Variants in VPS13B observed in about 807,000 individuals in gnomAD.
VPS13B encodes the protein intermembrane lipid transfer protein VPS13B.
A neutral mutation model predicts 426.4 loss-of-function variants in VPS13B; 285 were observed. That is an observed-to-expected ratio of 0.67 (90% CI 0.61 to 0.74). The LOEUF is 0.74. VPS13B is among the 30% of genes least tolerant of loss of function. VPS13B has a pLI of 0.00. For synonymous variants in VPS13B, 1,676 were observed against 1,676.4 expected, an observed-to-expected ratio of 1.00 and a Z score of 0.01; for missense variants, 4,537 against 4,782.6, an observed-to-expected ratio of 0.95 and a Z score of 1.51.
chr8:99,490,936 C>G (rs916268604), intron 25 of VPS13B, among the ~76,000 whole-genome samples: 1 of 151,986 alleles, frequency 6.6e-6, no homozygotes, highest in Non-Finnish European at 1.5e-5. Context: ...TATTTCTTGT[C>G]TTCTGCTACA....
At chr8:99,049,524 A>T (rs1186567532) in intron 3 of VPS13B, among the ~76,000 whole-genome samples, 1 of 151,786 alleles carries the variant, frequency 6.6e-6, no homozygotes, top group African/African-American at 2.4e-5. Context: ...TCTGCTGAGA[A>T]ATCAGCTGTT....
At chr8:99,874,440 G>A (rs529364702) in intron 61 of VPS13B, among the ~76,000 whole-genome samples, 3 of 152,076 alleles carry the variant, frequency 2.0e-5, no homozygotes, top group African/African-American at 7.2e-5. Flanking sequence ...GCCATCGCAC[G>A]GACTTTCTCC....
chr8:99,048,555 C>T (rs918769615), intron 3 of VPS13B, among the ~76,000 whole-genome samples: 1 of 152,080 alleles, frequency 6.6e-6, no homozygotes, highest in Non-Finnish European at 1.5e-5. Context: ...TTGCTCATGC[C>T]TGTAATCCCA....
intron 19 of VPS13B, among the ~76,000 whole-genome samples, chr8:99,381,616 C>T (rs995370174): frequency 1.1e-4 from 16 of 152,006 alleles, no homozygotes; most frequent in African/African-American, 3.6e-4. Context: ...TGTGAGATGG[C>T]ATCTCATTGT....
chr8:99,134,998 T>G lies in VPS13B; in HGVS notation c.1303-17T>G, dbSNP rs1389086311. On this transcript the variant is annotated splice_polypyrimidine_tract_variant and intron_variant, in intron 9 of 61. Transcript: ENST00000357162. ...TAAATTCAATTCTTAGTTCTAATGT[T>G]TCCTTTCGTCTTATAGGCCCTTATG... The G allele has an allele frequency of 1.2e-6, 2 of 1,613,310 alleles. No homozygotes were observed. The highest frequency in any genetic ancestry group is 1.7e-5 in the Admixed American group (1 of 59,986).
At chr8:99,846,379 G>A (rs1008828720) in intron 54 of VPS13B, among the ~76,000 whole-genome samples, 7 of 152,210 alleles carry the variant, frequency 4.6e-5, no homozygotes, top group Admixed American at 2.0e-4. Flanking sequence ...GCCTGATGCA[G>A]TGACTAATTC....
At chr8:99,181,458 T>A (rs1812941256) in intron 16 of VPS13B, among the ~76,000 whole-genome samples, 1 of 152,200 alleles carries the variant, frequency 6.6e-6, no homozygotes, top group Admixed American at 6.5e-5. Flanking sequence ...TGCATTTAAA[T>A]ATAGGCTCTG....
chr8:99,645,874 T>C (rs1432539054), intron 34 of VPS13B, among the ~76,000 whole-genome samples: 3 of 152,236 alleles, frequency 2.0e-5, no homozygotes, highest in Non-Finnish European at 4.4e-5. Flanking sequence ...TATGTAGTAC[T>C]TTCTTTCCTG....
intron 21 of VPS13B, among the ~76,000 whole-genome samples, chr8:99,404,343 T>C (rs1362238945): frequency 1.3e-5 from 2 of 152,232 alleles, no homozygotes; most frequent in African/African-American, 4.8e-5. Flanking sequence ...CCCCTTTTAG[T>C]AGTCAGAACA....
chr8:99,715,241 GC>G (rs1203448357), intron 36 of VPS13B, among the ~76,000 whole-genome samples: 2 of 152,156 alleles, frequency 1.3e-5, no homozygotes, highest in Non-Finnish European at 2.9e-5. Flanking sequence ...TGTTGAGGCA[GC>G]TGAAAAATAG....
chr8:99,305,623 C>G (rs1820595992), intron 19 of VPS13B, among the ~76,000 whole-genome samples: 1 of 151,916 alleles, frequency 6.6e-6, no homozygotes, highest in African/African-American at 2.4e-5. Context: ...AAATACAGGG[C>G]CTATTTATCT....
At chr8:99,457,364 T>A (rs560183437) in intron 23 of VPS13B, among the ~76,000 whole-genome samples, 1 of 152,302 alleles carries the variant, frequency 6.6e-6, no homozygotes, top group African/African-American at 2.4e-5. Flanking sequence ...AGTTATGTAT[T>A]CATCTTGAGT....
At chr8:99,863,542 C>G (rs565426070) in intron 58 of VPS13B, among the ~76,000 whole-genome samples, 1 of 152,222 alleles carries the variant, frequency 6.6e-6, no homozygotes, top group Admixed American at 6.5e-5. Flanking sequence ...CACCCCAACC[C>G]CCGACTCCCT....
chr8:99,691,935 A>G (rs1377427501), intron 35 of VPS13B, among the ~76,000 whole-genome samples: 2 of 151,760 alleles, frequency 1.3e-5, no homozygotes, highest in African/African-American at 2.4e-5. Flanking sequence ...AAAGATCAAA[A>G]GAGACAAAGA....
chr8:99,736,427 A>C (rs117071548), intron 39 of VPS13B, among the ~76,000 whole-genome samples: 3 of 152,128 alleles, frequency 2.0e-5, no homozygotes, highest in African/African-American at 7.2e-5. Context: ...ATGAAAAGTT[A>C]GCTGGGTGTG....
At position 99,111,286 on chromosome 8, in the gene VPS13B, ATC is replaced by A; in HGVS notation, c.762+11_762+12del. 6.3e-7 allele frequency: 1 copy of A among 1,596,366 alleles called. No homozygotes were observed. The highest frequency in any genetic ancestry group is 2.3e-5 in the East Asian group (1 of 44,132). On this transcript the variant is annotated splice_region_variant and intron_variant, in intron 6 of 61. Coordinates refer to ENST00000357162, the MANE Select transcript of VPS13B (RefSeq NM_152564.5). Reference sequence around the variant, plus strand: ...GATGCCATCTGTTATTAAAGTAGGTATCTCTTTTTTTTGCAGTTAAGTTGCAT... The same window carrying A: ...GATGCCATCTGTTATTAAAGTAGGTATCTTTTTTTTGCAGTTAAGTTGCAT...
intron 39 of VPS13B, among the ~76,000 whole-genome samples, chr8:99,733,404 T>G (rs896593159): frequency 6.6e-6 from 1 of 152,228 alleles, no homozygotes; most frequent in African/African-American, 2.4e-5. Flanking sequence ...GTACTTCAGC[T>G]TTCACATCTG....
intron 22 of VPS13B, among the ~76,000 whole-genome samples, chr8:99,437,370 A>G (rs911186775): frequency 3.9e-5 from 6 of 151,916 alleles, no homozygotes; most frequent in African/African-American, 2.4e-5. Context: ...ATTATTTTAT[A>G]ATATTCCATG....
chr8:99,021,557 G>A (rs80281113), intron 2 of VPS13B, among the ~76,000 whole-genome samples: 1 of 151,780 alleles, frequency 6.6e-6, no homozygotes, highest in African/African-American at 2.4e-5. Context: ...GGAGGCGGAG[G>A]TTGCAGTGTG....
Sources: gnomAD v4.1 joint callset for allele counts (sites outside exome capture counted in the v4.1 genomes callset) on GRCh38, gnomAD v4.1.1 for gene constraint, MANE v1.5 for transcripts, NCBI Gene and HGNC (gene_info 2026-07-23, HGNC 2026-07-21) for gene names.